The following TBL1Y variants were observed in gnomAD, a reference collection of about 807,000 sequenced individuals.
The protein encoded by TBL1Y is transducin beta like 1 Y-linked.
A neutral mutation model predicts 12.0 loss-of-function variants in TBL1Y; 15 were observed. The observed-to-expected ratio is 1.25, with a 90% CI of 0.83 to 1.92. TBL1Y has a LOEUF of 1.92. TBL1Y is among the 40% of genes most tolerant of loss of function. TBL1Y has a pLI of 0.00. For missense variants in TBL1Y, 148 were observed against 116.7 expected (o/e 1.27, Z -1.24); for synonymous variants, 53 against 42.6 (o/e 1.24, Z -0.95).
intron 2 of TBL1Y, among the ~76,000 whole-genome samples, chrY:6,940,015 T>C (rs2011938085): frequency 4.4e-5 from 1 of 22,847 alleles, no homozygotes; most frequent in Non-Finnish European, 9.2e-5. Context: ...TTTGGAAGGC[T>C]AAGGCGGGCA....
intron 7 of TBL1Y, among the ~76,000 whole-genome samples, chrY:7,062,605 C>G (rs2012880299): frequency 6.1e-5 from 2 of 32,727 alleles, no homozygotes; most frequent in Admixed American, 2.7e-4. Flanking sequence ...GTTTTGGGGT[C>G]AGGTTCAAGG....
intron 6 of TBL1Y, among the ~76,000 whole-genome samples, chrY:7,035,981 A>C: frequency 3.0e-5 from 1 of 33,512 alleles, no homozygotes; most frequent in Non-Finnish European, 7.4e-5. Flanking sequence ...AAGCTATGTC[A>C]GAAGATTGCA....
intron 13 of TBL1Y, among the ~76,000 whole-genome samples, chrY:7,078,417 C>T: frequency 3.0e-5 from 1 of 33,677 alleles, no homozygotes; most frequent in African/African-American, 1.2e-4. Context: ...ATTGCCATAA[C>T]CCCACCTTCT....
chrY:7,036,675 C>T (rs776043208), intron 6 of TBL1Y, among the ~76,000 whole-genome samples: 3 of 34,040 alleles, frequency 8.8e-5, no homozygotes, highest in Admixed American at 8.1e-4. Flanking sequence ...GACACCCACT[C>T]ATCCAGATGT....
At chrY:6,992,933 A>G (rs2012377622) in intron 3 of TBL1Y, among the ~76,000 whole-genome samples, 1 of 33,766 alleles carries the variant, frequency 3.0e-5, no homozygotes, top group Non-Finnish European at 7.3e-5. Flanking sequence ...AATATTGACA[A>G]TTTCTGTTTA....
chrY:6,959,799 C>T, intron 2 of TBL1Y, among the ~76,000 whole-genome samples: 1 of 33,893 alleles, frequency 3.0e-5, no homozygotes, highest in Non-Finnish European at 7.3e-5. Context: ...ATACAAAAAT[C>T]TGACATATTC....
At chrY:6,943,710 A>G (rs2011967432) in intron 2 of TBL1Y, among the ~76,000 whole-genome samples, 1 of 34,214 alleles carries the variant, frequency 2.9e-5, no homozygotes, top group Admixed American at 2.6e-4. Context: ...CCAAAACTAA[A>G]GCTTTAAAAA....
At chrY:7,005,567 C>G in intron 4 of TBL1Y, among the ~76,000 whole-genome samples, 1 of 33,405 alleles carries the variant, frequency 3.0e-5, no homozygotes, top group Non-Finnish European at 7.4e-5. Context: ...GCTTAAGCCC[C>G]CAGGAGGAGT....
At chrY:6,997,474 G>T in intron 4 of TBL1Y, among the ~76,000 whole-genome samples, 1 of 33,422 alleles carries the variant, frequency 3.0e-5, no homozygotes. Context: ...TTACCTCATT[G>T]TAAGTCAAGA....
At chrY:7,039,746 C>A (rs746628450) in intron 6 of TBL1Y, among the ~76,000 whole-genome samples, 101 of 33,425 alleles carry the variant, frequency 3.0e-3, no homozygotes, top group African/African-American at 0.011. Flanking sequence ...TCTTGATTGA[C>A]CCTGTCTGGG....
chrY:6,942,595 C>T, intron 2 of TBL1Y, among the ~76,000 whole-genome samples: 1 of 32,563 alleles, frequency 3.1e-5, no homozygotes, highest in Non-Finnish European at 7.5e-5. Flanking sequence ...GTCCTTGCAA[C>T]GTAGAGGCCT....
intron 2 of TBL1Y, among the ~76,000 whole-genome samples, chrY:6,915,899 A>G: frequency 3.0e-5 from 1 of 33,454 alleles, no homozygotes. Flanking sequence ...TGAGGAGACC[A>G]TCATTGTGCT....
In TBL1Y at chrY:7,064,975, T is replaced by C. The variant is rs377366627; in HGVS notation, c.457+826T>C. Among the ~76,000 whole-genome samples the C allele has an allele frequency of 4.3e-3, 146 of 33,723 alleles. No individual in the cohort carries two copies. The East Asian group carries it at 0.099, about 23-fold the overall frequency. 90.5% of individuals were successfully genotyped at this position (33,723 alleles called of 37,273 possible). On this transcript the variant is annotated intron_variant, in intron 8 of 18. Transcript: ENST00000383032. ...GGCTTTTTATTTATAAAGTCCATGA[T>C]TGTGGGGCAGGAAAAGGAGAGTAAG... is the stretch of plus-strand genomic sequence containing the variant.
chrY:6,976,996 G>GTTCGTACC (rs2012246981), intron 2 of TBL1Y, among the ~76,000 whole-genome samples: 2 of 33,666 alleles, frequency 5.9e-5, no homozygotes. Context: ...GGAATCAGAG[G>GTTCGTACC]TTCGTACCTG....
At chrY:7,009,527 G>A (rs928043040) in intron 4 of TBL1Y, among the ~76,000 whole-genome samples, 1 of 33,366 alleles carries the variant, frequency 3.0e-5, no homozygotes, top group Admixed American at 2.8e-4. Flanking sequence ...CTTGGTGAGA[G>A]AAATGACTGA....
chrY:7,016,344 A>G (rs2012549363), intron 4 of TBL1Y, among the ~76,000 whole-genome samples: 1 of 32,506 alleles, frequency 3.1e-5, no homozygotes, highest in Non-Finnish European at 7.5e-5. Flanking sequence ...CCCCTGGGAG[A>G]TGGCGGGGGA....
intron 2 of TBL1Y, among the ~76,000 whole-genome samples, chrY:6,972,890 A>G (rs2012216213): frequency 3.0e-5 from 1 of 33,574 alleles, no homozygotes; most frequent in Admixed American, 2.7e-4. Context: ...GCAGCTTGCA[A>G]TGCATGAGGT....
At chrY:7,078,285 T>C (rs1603050632) in intron 13 of TBL1Y, among the ~76,000 whole-genome samples, 3 of 34,452 alleles carry the variant, frequency 8.7e-5, no homozygotes, top group Non-Finnish European at 1.5e-4. Context: ...TAGAAGCAAT[T>C]CTTCAGTGTT....
intron 2 of TBL1Y, among the ~76,000 whole-genome samples, chrY:6,948,672 CA>C (rs761403687): frequency 2.4e-3 from 20 of 8,389 alleles, no homozygotes; most frequent in East Asian, 5.8e-3. Context: ...TTGACTCTGT[CA>C]AAAAAAAAAA....
Sources: gnomAD v4.1 joint callset for allele counts (sites outside exome capture counted in the v4.1 genomes callset) on GRCh38, gnomAD v4.1.1 for gene constraint, MANE v1.5 for transcripts, NCBI Gene and HGNC (gene_info 2026-07-23, HGNC 2026-07-21) for gene names.